The following SUPT3H variants were observed in gnomAD, a reference collection of about 807,000 sequenced individuals.
The protein encoded by SUPT3H is SPT3 homolog, SAGA and STAGA complex component.
Under a neutral mutation model 44.3 loss-of-function variants are expected in SUPT3H, and 44 were observed. That is an observed-to-expected ratio of 0.99 (90% CI 0.78 to 1.28). The LOEUF is 1.28. Among genes scored for constraint, SUPT3H ranks in the 50% most tolerant of loss-of-function variants. SUPT3H has a pLI of 0.00. For synonymous variants in SUPT3H, 124 were observed against 125.6 expected (o/e 0.99, Z 0.09); for missense variants, 380 against 387.1 (o/e 0.98, Z 0.15).
At chr6:45,334,449 CA>C (rs551014969) in intron 2 of SUPT3H, among the ~76,000 whole-genome samples, 22,187 of 92,072 alleles carry the variant, frequency 0.24, 1,263 homozygotes, top group Non-Finnish European at 0.28. Context: ...TCAGGAAAAG[CA>C]AAAAAAAAAA....
At chr6:45,330,724 T>C (rs1787305102) in intron 2 of SUPT3H, among the ~76,000 whole-genome samples, 1 of 151,874 alleles carries the variant, frequency 6.6e-6, no homozygotes. Flanking sequence ...TGAACCTTTT[T>C]TTTTTCCAAC....
At chr6:44,930,061 A>G (rs966148489) in intron 10 of SUPT3H, among the ~76,000 whole-genome samples, 2 of 152,018 alleles carry the variant, frequency 1.3e-5, no homozygotes, top group African/African-American at 4.8e-5. Context: ...CAGCCTGGCC[A>G]ACATGGCGAA....
intron 2 of SUPT3H, among the ~76,000 whole-genome samples, chr6:45,287,374 A>T (rs1466624462): frequency 6.6e-6 from 1 of 152,220 alleles, no homozygotes; most frequent in Non-Finnish European, 1.5e-5. Flanking sequence ...GTCCCTCAGC[A>T]GATAAACTGA....
At chr6:45,127,521 CA>C (rs1294751441) in intron 2 of SUPT3H, among the ~76,000 whole-genome samples, 2 of 152,074 alleles carry the variant, frequency 1.3e-5, no homozygotes, top group African/African-American at 2.4e-5. Flanking sequence ...TCTAAGGTCA[CA>C]AATATGGTAA....
chr6:45,030,158 G>A (rs556852664), intron 3 of SUPT3H, among the ~76,000 whole-genome samples: 3 of 152,218 alleles, frequency 2.0e-5, no homozygotes, highest in South Asian at 2.1e-4. Flanking sequence ...ATTGCAGAAC[G>A]ACAGAAGCGT....
chr6:45,128,589 CAT>C lies in SUPT3H; in HGVS notation c.102-22585_102-22584del, dbSNP rs1183547786. On this transcript the variant is annotated intron_variant, in intron 2 of 10. Coordinates refer to ENST00000371459, the MANE Select transcript of SUPT3H (RefSeq NM_003599.4). ...ACACACACACACACACACACATACA[CAT>C]ATATATATATACACACATACACACA... 5.0e-3 allele frequency among the ~76,000 whole-genome samples: 588 copies of C among 118,180 alleles called. 2 individuals are homozygous for C. Among genetic ancestry groups the C allele is most frequent in the East Asian group, 0.016 (61 of 3,830 alleles). 77.5% of individuals were successfully genotyped at this position (118,180 alleles called of 152,430 possible).
chr6:45,321,145 A>G (rs917652491), intron 2 of SUPT3H, among the ~76,000 whole-genome samples: 16 of 152,116 alleles, frequency 1.1e-4, no homozygotes, highest in African/African-American at 3.9e-4. Context: ...ATATATAAAT[A>G]AACTGTGAAA....
chr6:45,175,992 T>C (rs1287390899), intron 2 of SUPT3H, among the ~76,000 whole-genome samples: 1 of 152,214 alleles, frequency 6.6e-6, no homozygotes, highest in Non-Finnish European at 1.5e-5. Context: ...ATTTATTTTG[T>C]ATCTCCCAAG....
intron 2 of SUPT3H, among the ~76,000 whole-genome samples, chr6:45,226,569 C>T (rs1025189796): frequency 3.1e-4 from 47 of 152,058 alleles, no homozygotes; most frequent in Admixed American, 5.2e-4. Context: ...CTTTTTGAGA[C>T]GGAGTCTTGC....
chr6:45,110,474 T>C (rs928132847), intron 2 of SUPT3H, among the ~76,000 whole-genome samples: 3 of 152,062 alleles, frequency 2.0e-5, no homozygotes, highest in Non-Finnish European at 4.4e-5. Flanking sequence ...ATCCTTCAAA[T>C]AGACATCTAT....
chr6:45,126,619 G>C (rs1467514987), intron 2 of SUPT3H, among the ~76,000 whole-genome samples: 1 of 152,060 alleles, frequency 6.6e-6, no homozygotes, highest in Non-Finnish European at 1.5e-5. Context: ...GATAATTAAG[G>C]GTTCCCCCAA....
At chr6:44,838,670 T>TC (rs779332538) in intron 10 of SUPT3H, among the ~76,000 whole-genome samples, 13 of 152,156 alleles carry the variant, frequency 8.5e-5, no homozygotes, top group Non-Finnish European at 1.6e-4. Flanking sequence ...CAAATTCAGG[T>TC]CCGAGATACT....
rs112061830 is a variant in SUPT3H, at chr6:44,862,755, T to C, written c.913-32898A>G. Among the ~76,000 whole-genome samples, 1,429 of 151,936 alleles carry C rather than the reference T, an allele frequency of 9.4e-3. 13 individuals are homozygous for C. Among genetic ancestry groups the C allele is most frequent in the South Asian group, 0.025 (120 of 4,814 alleles). ...AGTTTCTCTTTCATTTGGGCTATAATTGTCTCATGGGCAAGGCCCTTCTCT... is the reference window on the plus strand; with the variant it reads ...AGTTTCTCTTTCATTTGGGCTATAACTGTCTCATGGGCAAGGCCCTTCTCT... On this transcript the variant is annotated intron_variant, in intron 10 of 10. Coordinates refer to ENST00000371459, the MANE Select transcript of SUPT3H (RefSeq NM_003599.4).
At chr6:45,195,856 A>T (rs1815930017) in intron 2 of SUPT3H, among the ~76,000 whole-genome samples, 1 of 152,096 alleles carries the variant, frequency 6.6e-6, no homozygotes, top group African/African-American at 2.4e-5. Context: ...TTTGAATCTC[A>T]CTGAGGTCGG....
intron 3 of SUPT3H, among the ~76,000 whole-genome samples, chr6:45,053,740 C>CAAAAAAA (rs57736879): frequency 5.4e-4 from 32 of 59,440 alleles, no homozygotes; most frequent in African/African-American, 1.5e-3. Flanking sequence ...ACTAAAAATA[C>CAAAAAAA]AAAAAAAAAA....
At chr6:44,990,671 G>T (rs1780488579) in intron 6 of SUPT3H, among the ~76,000 whole-genome samples, 2 of 152,074 alleles carry the variant, frequency 1.3e-5, no homozygotes, top group African/African-American at 2.4e-5. Flanking sequence ...AGGAACAAAG[G>T]CTTCACTTCT....
intron 10 of SUPT3H, among the ~76,000 whole-genome samples, chr6:44,889,651 T>TA (rs1376313897): frequency 2.6e-5 from 4 of 152,084 alleles, no homozygotes; most frequent in African/African-American, 9.7e-5. Context: ...CCTAAAACCA[T>TA]AAAAACCCTA....
chr6:45,225,464 G>A (rs1766791490), intron 2 of SUPT3H, among the ~76,000 whole-genome samples: 1 of 151,968 alleles, frequency 6.6e-6, no homozygotes, highest in Non-Finnish European at 1.5e-5. Flanking sequence ...AATCTTTACA[G>A]ATAGCTACTG....
chr6:44,857,848 T>C (rs1308411824), intron 10 of SUPT3H, among the ~76,000 whole-genome samples: 1 of 152,190 alleles, frequency 6.6e-6, no homozygotes, highest in African/African-American at 2.4e-5. Context: ...TGTCAACAGA[T>C]GAAACCTGTT....
Sources: gnomAD v4.1 joint callset for allele counts (sites outside exome capture counted in the v4.1 genomes callset) on GRCh38, gnomAD v4.1.1 for gene constraint, MANE v1.5 for transcripts, NCBI Gene and HGNC (gene_info 2026-07-23, HGNC 2026-07-21) for gene names.